SCLT1: variants seen among roughly 807,000 people sequenced by gnomAD.
SCLT1 encodes sodium channel-associated protein 1.
In SCLT1, 78 loss-of-function variants were observed where a neutral mutation model predicts 112.8. The ratio of observed to expected loss-of-function variants is 0.69; its 90% CI spans 0.58 to 0.83. The LOEUF (loss-of-function observed/expected upper bound fraction) is 0.83, where lower values mean the gene tolerates loss of function less well. Among genes scored for constraint, SCLT1 ranks in the 40% least tolerant of loss-of-function variants. The pLI is 0.00. For missense variants in SCLT1, 747 were observed against 770.4 expected, an observed-to-expected ratio of 0.97 and a Z score of 0.36; for synonymous variants, 257 against 254.7, an observed-to-expected ratio of 1.01 and a Z score of -0.09.
chr4:128,911,351 A>G (rs1735082778), intron 18 of SCLT1, among the ~76,000 whole-genome samples: 1 of 152,236 alleles, frequency 6.6e-6, no homozygotes, highest in African/African-American at 2.4e-5. Context: ...AGTTACAGAT[A>G]CTATACACTA....
At chr4:129,092,188 G>A (rs1444007957) in intron 1 of SCLT1, among the ~76,000 whole-genome samples, 3 of 152,124 alleles carry the variant, frequency 2.0e-5, no homozygotes, top group Non-Finnish European at 4.4e-5. Context: ...ATACTCCTTA[G>A]CACAGAGAAG....
chr4:128,935,437 A>G (rs1012700617), intron 18 of SCLT1, among the ~76,000 whole-genome samples: 1 of 152,056 alleles, frequency 6.6e-6, no homozygotes, highest in Non-Finnish European at 1.5e-5. Context: ...AATGGTTAAG[A>G]GCATAGTGTC....
At chr4:129,084,356 T>C (rs1752216232) in intron 1 of SCLT1, among the ~76,000 whole-genome samples, 1 of 152,086 alleles carries the variant, frequency 6.6e-6, no homozygotes, top group Non-Finnish European at 1.5e-5. Context: ...AAGGTCAATA[T>C]ATAAAAATTA....
chr4:128,948,456 A>C, intron 15 of SCLT1, 40 bp downstream of exon 15: 1 of 1,591,452 alleles, frequency 6.3e-7, no homozygotes, highest in Non-Finnish European at 8.5e-7. Flanking sequence ...GCATATTTGC[A>C]GTTGGGTTTT....
intron 18 of SCLT1, among the ~76,000 whole-genome samples, chr4:128,935,501 C>A (rs146197988): frequency 1.3e-5 from 2 of 151,958 alleles, no homozygotes; most frequent in Non-Finnish European, 2.9e-5. Flanking sequence ...TCTATGTGAT[C>A]TTATACAAGT....
rs764079109 is a variant in SCLT1 at position 129,039,898 on chromosome 4, GCGCA to G, written c.235-806_235-803del. The G allele has an allele frequency of 8.8e-3, 2,118 of 241,126 alleles. 13 individuals carry two copies. Among genetic ancestry groups the G allele is most frequent in the African/African-American group, 0.033 (947 of 28,654 alleles). The allele number at this position is 241,126 out of a possible 1,614,324, so 14.9% of individuals were successfully genotyped here. On this transcript the variant is annotated intron_variant, in intron 4 of 20. Coordinates refer to ENST00000281142, the MANE Select transcript of SCLT1 (RefSeq NM_144643.4). ...ATGAGCAAATGGAGAGTGTGCGCGC[GCGCA>G]CACACACACACACACACACACACAC...
chr4:128,957,053 T>C lies in SCLT1; in HGVS notation c.1119A>G (p.Gln373=). 6.3e-7 allele frequency: 1 copy of C among 1,597,504 alleles called. No individual in the cohort carries two copies. Among genetic ancestry groups the C allele is most frequent in the South Asian group, 1.1e-5 (1 of 88,600 alleles). ...CTTTCTTGGTTCTTATGGTAGCATC[T>C]TGTACAAACCGAGAAACTGTCTCTT... The part of the protein sequence containing the change: ...KMKETVSRFV[Q]DATIRTKKEV... The change falls in exon 13 of 21, where the codon CAA becomes CAG. Residue 373 remains glutamine (Q), a synonymous_variant. Transcript: ENST00000281142.
intron 18 of SCLT1, among the ~76,000 whole-genome samples, chr4:128,904,886 T>C (rs1734575815): frequency 6.6e-6 from 1 of 152,132 alleles, no homozygotes; most frequent in African/African-American, 2.4e-5. Flanking sequence ...TAACTAAAAA[T>C]ACCATGGGTT....
chr4:128,909,382 T>C (rs936221753), intron 18 of SCLT1, among the ~76,000 whole-genome samples: 15 of 152,240 alleles, frequency 9.9e-5, no homozygotes, highest in African/African-American at 3.6e-4. Context: ...CCCAAGTAGC[T>C]AGAACTACAG....
At chr4:129,088,839 T>C (rs1752608410) in intron 1 of SCLT1, among the ~76,000 whole-genome samples, 2 of 152,146 alleles carry the variant, frequency 1.3e-5, no homozygotes, top group South Asian at 2.1e-4. Context: ...TTACACCTCA[T>C]ACAAAAATCA....
At chr4:128,946,913 A>G (rs530130103) in intron 15 of SCLT1, among the ~76,000 whole-genome samples, 3 of 152,264 alleles carry the variant, frequency 2.0e-5, no homozygotes, top group African/African-American at 4.8e-5. Flanking sequence ...CTTACAGCAC[A>G]AGGTCTGTAA....
chr4:129,092,980 G>T, intron 1 of SCLT1, 90 bp downstream of exon 1: 6 of 954,084 alleles, frequency 6.3e-6, no homozygotes, highest in Admixed American at 1.8e-5. Context: ...CAATTTAAAT[G>T]TACCCAACCA....
intron 18 of SCLT1, among the ~76,000 whole-genome samples, chr4:128,912,318 C>T (rs1735164412): frequency 6.6e-6 from 1 of 152,080 alleles, no homozygotes; most frequent in Non-Finnish European, 1.5e-5. Flanking sequence ...TACCATCTAG[C>T]AGTTAGTCTG....
intron 11 of SCLT1, among the ~76,000 whole-genome samples, chr4:128,960,841 A>T (rs1739640312): frequency 7.1e-6 from 1 of 140,272 alleles, no homozygotes; most frequent in Non-Finnish European, 1.5e-5. Flanking sequence ...AATGGCGTGA[A>T]CCCGGGAAGC....
At chr4:128,934,487 T>C (rs1293183880) in intron 18 of SCLT1, among the ~76,000 whole-genome samples, 1 of 151,900 alleles carries the variant, frequency 6.6e-6, no homozygotes, top group Non-Finnish European at 1.5e-5. Flanking sequence ...GCATTCTAAT[T>C]AATAAACATG....
chr4:129,028,554 G>C (rs1308013328), intron 5 of SCLT1, among the ~76,000 whole-genome samples: 2 of 152,008 alleles, frequency 1.3e-5, no homozygotes, highest in African/African-American at 4.8e-5. Context: ...TTAAATGTGA[G>C]ACCTAAAACC....
intron 5 of SCLT1, among the ~76,000 whole-genome samples, chr4:129,033,082 C>A (rs1289938715): frequency 6.6e-6 from 1 of 152,032 alleles, no homozygotes; most frequent in African/African-American, 2.4e-5. Flanking sequence ...TGGAACCAAC[C>A]CAAATGCCCA....
At chr4:129,038,692 G>A (rs1429475379) in intron 5 of SCLT1, among the ~76,000 whole-genome samples, 1 of 152,054 alleles carries the variant, frequency 6.6e-6, no homozygotes, top group Non-Finnish European at 1.5e-5. Context: ...TTATCAATAT[G>A]TTTTCTAACA....
chr4:129,002,872 G>C (rs1743640594), intron 6 of SCLT1, among the ~76,000 whole-genome samples: 2 of 152,144 alleles, frequency 1.3e-5, no homozygotes, highest in East Asian at 1.9e-4. Flanking sequence ...GGAAGACAGA[G>C]TGGCAATTCT....
Sources: allele counts gnomAD v4.1 joint callset (sites outside exome capture counted in the v4.1 genomes callset), GRCh38; gene constraint gnomAD v4.1.1; transcripts MANE v1.5; gene names NCBI Gene and HGNC (gene_info 2026-07-23, HGNC 2026-07-21).